PLCG2: variants seen among roughly 807,000 people sequenced by gnomAD.
PLCG2 encodes phospholipase C gamma 2, also known as 1-phosphatidylinositol 4,5-bisphosphate phosphodiesterase gamma-2.
In PLCG2, 69 loss-of-function variants were observed where a neutral mutation model predicts 175.6. The observed-to-expected ratio is 0.39, with a 90% confidence interval of 0.32 to 0.48. The LOEUF is 0.48. Among genes scored for constraint, PLCG2 ranks in the 20% least tolerant of loss-of-function variants. PLCG2 has a pLI of 0.91. For synonymous variants in PLCG2, 827 were observed against 624.0 expected (o/e 1.33, Z -4.85); for missense variants, 1,798 against 1,650.9 (o/e 1.09, Z -1.54).
chr16:81,752,453 C>A (rs947027597), intron 1 of PLCG2, among the ~76,000 whole-genome samples: 2 of 152,152 alleles, frequency 1.3e-5, no homozygotes, highest in African/African-American at 2.4e-5. Flanking sequence ...GGGGTGGAGG[C>A]GGCTGGCCGT....
At chr16:81,778,910 C>G (rs1910585666), upstream of PLCG2, among the ~76,000 whole-genome samples, 1 of 152,250 alleles carries the variant, frequency 6.6e-6, no homozygotes, top group Admixed American at 6.5e-5. Context: ...ATCCTCCCGT[C>G]TAGGCTTCCC....
chr16:81,869,394 T>A lies in PLCG2; in HGVS notation c.564+96T>A, dbSNP rs571514350. 786 of 832,114 alleles carry A rather than the reference T, an allele frequency of 9.4e-4. 6 individuals are homozygous for A. In the South Asian group the frequency reaches 0.011, roughly 11 times the overall value. The allele number at this position is 832,114 out of a possible 1,614,324, so 51.5% of individuals were successfully genotyped here. A position where few individuals can be genotyped will look rare whatever the true frequency, so the allele number is the denominator to read the frequency against. ...CTTGCCTTTGAGTTCCGTGGAATAG[T>A]GCACAAGAAAATCCTTTGCCTCCAG... On this transcript the variant is annotated intron_variant, in intron 6 of 32. Coordinates refer to ENST00000564138, the MANE Select transcript of PLCG2 (RefSeq NM_002661.5).
intron 2 of PLCG2, among the ~76,000 whole-genome samples, chr16:81,805,382 C>T (rs1179211118): frequency 6.6e-6 from 1 of 151,394 alleles, no homozygotes; most frequent in Non-Finnish European, 1.5e-5. Flanking sequence ...GCCTATAGTC[C>T]CAGCTACTCA....
At chr16:81,947,641 G>GAGAT (rs1404007230) in intron 31 of PLCG2, among the ~76,000 whole-genome samples, 2 of 152,208 alleles carry the variant, frequency 1.3e-5, no homozygotes, top group Admixed American at 6.5e-5. Context: ...AACCTTTGCT[G>GAGAT]AGATAGAGTT....
chr16:81,740,863 T>C (rs530699860), intron 1 of PLCG2, among the ~76,000 whole-genome samples: 52 of 148,194 alleles, frequency 3.5e-4, no homozygotes, highest in Admixed American at 8.1e-4. Flanking sequence ...TTAAAAAGAA[T>C]GAAACCAACC....
chr16:81,822,226 T>C (rs2143339877), intron 2 of PLCG2, among the ~76,000 whole-genome samples: 1 of 152,220 alleles, frequency 6.6e-6, no homozygotes, highest in Admixed American at 6.5e-5. Flanking sequence ...AAAACTGTCT[T>C]TGAAATAATA....
intron 25 of PLCG2, among the ~76,000 whole-genome samples, chr16:81,932,901 C>A (rs1459913986): frequency 6.6e-6 from 1 of 152,228 alleles, no homozygotes; most frequent in Non-Finnish European, 1.5e-5. Context: ...CCAGTGAAAC[C>A]ATCTCTTCTG....
At chr16:81,885,989 G>C (rs767075590) in intron 9 of PLCG2, among the ~76,000 whole-genome samples, 1 of 152,188 alleles carries the variant, frequency 6.6e-6, no homozygotes. Flanking sequence ...GCACAGTCAC[G>C]TTAGGTCTGA....
intron 5 of PLCG2, among the ~76,000 whole-genome samples, chr16:81,868,017 A>G (rs1567507037): frequency 6.6e-6 from 1 of 152,172 alleles, no homozygotes; most frequent in African/African-American, 2.4e-5. Context: ...TTCCCGCTTC[A>G]GCTGAACCTC....
intron 2 of PLCG2, among the ~76,000 whole-genome samples, chr16:81,771,436 TC>T (rs1401173575): frequency 5.9e-5 from 9 of 152,182 alleles, no homozygotes; most frequent in Admixed American, 3.3e-4. Flanking sequence ...CTTCCCTCTC[TC>T]TGGTGCTGTT....
In PLCG2 at chr16:81,899,391, T is replaced by C. The variant is rs567244795; in HGVS notation, c.1194-1221T>C. On this transcript the variant is annotated intron_variant, in intron 13 of 32. Coordinates refer to ENST00000564138, the MANE Select transcript of PLCG2 (RefSeq NM_002661.5). The stretch of plus-strand genomic sequence containing the variant: ...TTTATACATACACGTTCACATGATA[T>C]AGAAGGATACAGGTGATCCTTATTG... 1.9e-4 allele frequency among the ~76,000 whole-genome samples: 29 copies of C among 152,202 alleles called. No homozygotes were observed. In the East Asian group the frequency reaches 5.2e-3, roughly 27 times the overall value.
chr16:81,870,009 T>C (rs1907437753), intron 6 of PLCG2, among the ~76,000 whole-genome samples: 1 of 152,192 alleles, frequency 6.6e-6, no homozygotes, highest in Admixed American at 6.5e-5. Flanking sequence ...GGTTCCTCAG[T>C]GCAAAAAGCT....
chr16:81,886,351 T>C (rs1908367074), intron 9 of PLCG2, among the ~76,000 whole-genome samples: 1 of 152,224 alleles, frequency 6.6e-6, no homozygotes, highest in Non-Finnish European at 1.5e-5. Context: ...GCGATGTTTG[T>C]TGGTCACACA....
intron 2 of PLCG2, among the ~76,000 whole-genome samples, chr16:81,831,552 AACCCCAT>A (rs1373844503): frequency 6.6e-6 from 1 of 152,216 alleles, no homozygotes; most frequent in Non-Finnish European, 1.5e-5. Flanking sequence ...AACCTCATCC[AACCCCAT>A]ACTCCAGTTG....
At chr16:81,895,402 A>G (rs1366959174) in intron 12 of PLCG2, among the ~76,000 whole-genome samples, 1 of 152,128 alleles carries the variant, frequency 6.6e-6, no homozygotes, top group East Asian at 1.9e-4. Flanking sequence ...CTACTAAAAT[A>G]CAAAAAAATT....
intron 8 of PLCG2, among the ~76,000 whole-genome samples, chr16:81,881,532 A>G (rs1908078932): frequency 6.6e-6 from 1 of 152,210 alleles, no homozygotes; most frequent in Admixed American, 6.5e-5. Flanking sequence ...CCCTGGAGTT[A>G]ATGGTCTGGG....
At position 81,923,481 on chromosome 16, in the gene PLCG2, A is replaced by C. The variant is rs759041421; in HGVS notation, c.2308-4A>C. The stretch of plus-strand genomic sequence containing the variant: ...GACCTTTTCCTTCTTGTTTTCCCTG[A>C]AAGCCTCAGAGAACCGTGAAAGCTC... On this transcript the variant is annotated splice_polypyrimidine_tract_variant and splice_region_variant and intron_variant, in intron 21 of 32. Coordinates refer to ENST00000564138, the MANE Select transcript of PLCG2 (RefSeq NM_002661.5). 6.2e-7 allele frequency: 1 copy of C among 1,600,078 alleles called. No homozygotes were observed. The highest frequency in any genetic ancestry group is 1.7e-5 in the Admixed American group (1 of 59,936).
At chr16:81,880,979 G>A (rs879014036) in intron 8 of PLCG2, 26 bp downstream of exon 8, 5 of 1,612,548 alleles carry the variant, frequency 3.1e-6, no homozygotes, top group Admixed American at 1.7e-5. Context: ...TGTGTCGTTC[G>A]GGGCGGCTGT....
intron 5 of PLCG2, among the ~76,000 whole-genome samples, chr16:81,862,274 G>A (rs1041498907): frequency 3.3e-5 from 5 of 152,264 alleles, no homozygotes; most frequent in African/African-American, 1.2e-4. Flanking sequence ...TAGGTGTTTT[G>A]CTTGGCCCAA....
Sources: allele counts gnomAD v4.1 joint callset (sites outside exome capture counted in the v4.1 genomes callset), GRCh38; gene constraint gnomAD v4.1.1; transcripts MANE v1.5; gene names NCBI Gene and HGNC (gene_info 2026-07-23, HGNC 2026-07-21).